The following EPHA3 variants were observed in gnomAD, a reference collection of about 807,000 sequenced individuals.
EPHA3 encodes the protein ephrin type-A receptor 3.
EPHA3 carries 42 observed loss-of-function variants against 107.1 expected under a neutral mutation model. The observed-to-expected ratio is 0.39, with a 90% CI of 0.31 to 0.51. EPHA3 has a LOEUF of 0.51. Ranked by LOEUF, EPHA3 falls within the 20% of genes least tolerant of loss-of-function variation. The probability of loss-of-function intolerance (pLI) is 0.78; values close to 1 mark genes in which losing one functional copy is unlikely to be tolerated. For synonymous variants in EPHA3, 461 were observed against 424.8 expected, an observed-to-expected ratio of 1.09 and a Z score of -1.05; for missense variants, 1,183 against 1,211.2, an observed-to-expected ratio of 0.98 and a Z score of 0.35.
chr3:89,344,086 T>A (rs1045814319), intron 5 of EPHA3, among the ~76,000 whole-genome samples: 2 of 152,188 alleles, frequency 1.3e-5, no homozygotes, highest in Non-Finnish European at 2.9e-5. Flanking sequence ...TTTACTACCT[T>A]GTTTAAAATT....
At chr3:89,210,713 T>A (rs567603353) in intron 3 of EPHA3, among the ~76,000 whole-genome samples, 193 bp downstream of exon 3, 1 of 152,274 alleles carries the variant, frequency 6.6e-6, no homozygotes, top group East Asian at 1.9e-4. Flanking sequence ...GAAATATTAA[T>A]GTATTTGATT....
chr3:89,336,990 T>C (rs560917561), intron 3 of EPHA3, among the ~76,000 whole-genome samples: 23 of 150,866 alleles, frequency 1.5e-4, no homozygotes, highest in African/African-American at 5.6e-4. Context: ...GTGGAGGCTG[T>C]AGTGAGCTGT....
intron 2 of EPHA3, among the ~76,000 whole-genome samples, chr3:89,162,628 T>A (rs1018925073): frequency 6.6e-6 from 1 of 152,164 alleles, no homozygotes; most frequent in Non-Finnish European, 1.5e-5. Context: ...CCTTTGGGAT[T>A]CAAACCTGTG....
chr3:89,117,224 C>A (rs1707278952), intron 1 of EPHA3, among the ~76,000 whole-genome samples: 1 of 151,992 alleles, frequency 6.6e-6, no homozygotes, highest in Non-Finnish European at 1.5e-5. Context: ...TGAATAAGAT[C>A]TAAAGGTCCA....
chr3:89,203,566 G>C (rs577688672), intron 2 of EPHA3, among the ~76,000 whole-genome samples: 1 of 151,790 alleles, frequency 6.6e-6, no homozygotes, highest in African/African-American at 2.4e-5. Context: ...GCGGTCAGGA[G>C]ATCGAGACCA....
At chr3:89,257,041 AT>A (rs1705301907) in intron 3 of EPHA3, among the ~76,000 whole-genome samples, 1 of 152,258 alleles carries the variant, frequency 6.6e-6, no homozygotes, top group Non-Finnish European at 1.5e-5. Context: ...ACTGAAGATA[AT>A]AAAACTGGAT....
chr3:89,160,548 TTGTGTGTGTGTGTGTGTGTGTG>T (rs1164056787), intron 2 of EPHA3, among the ~76,000 whole-genome samples: 1 of 120,476 alleles, frequency 8.3e-6, no homozygotes, highest in Admixed American at 7.8e-5. Context: ...ATATTAGATT[TTGTGTGTGTGTGTGTGTGTGTG>T]TGTGTGTGTG....
chr3:89,411,659 G>A (rs1709156203), intron 9 of EPHA3, among the ~76,000 whole-genome samples: 3 of 151,704 alleles, frequency 2.0e-5, no homozygotes, highest in Non-Finnish European at 2.9e-5. Context: ...ATAACCATGG[G>A]TTTCATGAAG....
intron 3 of EPHA3, among the ~76,000 whole-genome samples, chr3:89,323,703 A>G (rs1348347571): frequency 6.6e-6 from 1 of 152,144 alleles, no homozygotes; most frequent in Non-Finnish European, 1.5e-5. Flanking sequence ...TAAGTACTAT[A>G]TTCTAAGACA....
intron 1 of EPHA3, among the ~76,000 whole-genome samples, chr3:89,109,075 G>A (rs999156717): frequency 6.6e-6 from 1 of 151,980 alleles, no homozygotes; most frequent in East Asian, 1.9e-4. Context: ...CCTGATACTC[G>A]GTGACCTACT....
chr3:89,332,352 C>A (rs1707306596), intron 3 of EPHA3, among the ~76,000 whole-genome samples: 1 of 152,164 alleles, frequency 6.6e-6, no homozygotes, highest in African/African-American at 2.4e-5. Context: ...ACAACAAACA[C>A]AATAAAGCCT....
intron 11 of EPHA3, among the ~76,000 whole-genome samples, chr3:89,424,788 C>T (rs1037988640): frequency 2.6e-5 from 4 of 151,422 alleles, no homozygotes; most frequent in African/African-American, 9.7e-5. Flanking sequence ...TACTGCATGA[C>T]TCAGCTCTAA....
At position 89,480,279 on chromosome 3, in the gene EPHA3, A is replaced by G; in HGVS notation, c.*777A>G. 4.3e-6 allele frequency: 1 copy of G among 233,040 alleles called. No homozygotes were observed. The highest frequency in any genetic ancestry group is 2.2e-5 in the African/African-American group (1 of 45,460). The allele number at this position is 233,040 out of a possible 1,614,324, so 14.4% of individuals were successfully genotyped here. On this transcript the variant is annotated 3_prime_UTR_variant, in exon 17 of 17. Coordinates refer to ENST00000336596, the MANE Select transcript of EPHA3 (RefSeq NM_005233.6). ...ACAGATAATAATGGGTTTCTTTCAG[A>G]TTTTTTGAACCATCCACTTACATAT...
At chr3:89,261,092 A>G (rs946068773) in intron 3 of EPHA3, among the ~76,000 whole-genome samples, 7 of 152,218 alleles carry the variant, frequency 4.6e-5, no homozygotes, top group Admixed American at 3.3e-4. Context: ...CTAGCAGATG[A>G]TGAGATGGCA....
At chr3:89,270,410 C>A (rs1347977918) in intron 3 of EPHA3, among the ~76,000 whole-genome samples, 1 of 152,038 alleles carries the variant, frequency 6.6e-6, no homozygotes, top group Non-Finnish European at 1.5e-5. Context: ...CTGTCTTTGG[C>A]CAGCTGTTAG....
intron 3 of EPHA3, among the ~76,000 whole-genome samples, chr3:89,278,987 T>A (rs1166244144): frequency 6.6e-6 from 1 of 152,210 alleles, no homozygotes; most frequent in Non-Finnish European, 1.5e-5. Flanking sequence ...TAGTTTAAAC[T>A]GTGGAAAATT....
intron 3 of EPHA3, among the ~76,000 whole-genome samples, chr3:89,325,562 C>A (rs1257849004): frequency 6.6e-6 from 1 of 152,106 alleles, no homozygotes; most frequent in Admixed American, 6.6e-5. Flanking sequence ...ATCTGAGGCC[C>A]TCATATCATT....
chr3:89,450,833 G>A (rs923900145), intron 15 of EPHA3, among the ~76,000 whole-genome samples: 2 of 152,104 alleles, frequency 1.3e-5, no homozygotes, highest in African/African-American at 4.8e-5. Flanking sequence ...GTGAACCTGG[G>A]AGGCAGAGGT....
intron 5 of EPHA3, among the ~76,000 whole-genome samples, chr3:89,343,043 T>A (rs1189245115): frequency 6.6e-6 from 1 of 152,176 alleles, no homozygotes; most frequent in Non-Finnish European, 1.5e-5. Context: ...CTGCTCTTCA[T>A]TTGGCTTACA....
Sources: gnomAD v4.1 joint callset for allele counts (sites outside exome capture counted in the v4.1 genomes callset) on GRCh38, gnomAD v4.1.1 for gene constraint, MANE v1.5 for transcripts, NCBI Gene and HGNC (gene_info 2026-07-23, HGNC 2026-07-21) for gene names.